Variants in SLC44A1 observed in about 807,000 individuals in gnomAD.
SLC44A1 encodes the protein choline transporter-like protein 1.
A neutral mutation model predicts 79.3 loss-of-function variants in SLC44A1; 26 were observed. The ratio of observed to expected loss-of-function variants is 0.33; its 90% CI spans 0.24 to 0.46. The LOEUF is 0.46. SLC44A1 is among the 20% of genes least tolerant of loss of function. The pLI is 1.00. For missense variants in SLC44A1, 688 were observed against 798.1 expected, an observed-to-expected ratio of 0.86 and a Z score of 1.66; for synonymous variants, 263 against 286.2, an observed-to-expected ratio of 0.92 and a Z score of 0.82.
In SLC44A1 at chr9:105,309,657, G is replaced by A. The variant is rs879299070; in HGVS notation, c.127-67G>A. 2.5e-4 allele frequency: 354 copies of A among 1,436,776 alleles called. 2 individuals carry two copies. Among genetic ancestry groups the A allele is most frequent in the Middle Eastern group, 1.1e-3 (6 of 5,622 alleles). 89.0% of individuals were successfully genotyped at this position (1,436,776 alleles called of 1,614,324 possible). ...AGCAGACAAAAAGAAGCTCATTATCGTATCAACTAGTGACTGTTGGCTATT... is the reference window on the plus strand; with the variant it reads ...AGCAGACAAAAAGAAGCTCATTATCATATCAACTAGTGACTGTTGGCTATT... On this transcript the variant is annotated intron_variant, in intron 2 of 15. Coordinates refer to ENST00000374720, the MANE Select transcript of SLC44A1 (RefSeq NM_080546.5).
At position 105,347,609 on chromosome 9, in the gene SLC44A1, C is replaced by T. The variant is rs572283500; in HGVS notation, c.407-749C>T. ...ACATAAATGTATTATGTAAATTTTA[C>T]ATTGTGTACATTTTACATATATTAG... On this transcript the variant is annotated intron_variant, in intron 4 of 15. Transcript: ENST00000374720. Among the ~76,000 whole-genome samples the T allele has an allele frequency of 6.6e-5, 10 of 151,950 alleles. No individual in the cohort carries two copies. In the South Asian group the frequency reaches 8.3e-4, roughly 13 times the overall value.
intron 3 of SLC44A1, among the ~76,000 whole-genome samples, chr9:105,322,877 A>G (rs1826438020): frequency 6.6e-6 from 1 of 152,146 alleles, no homozygotes; most frequent in African/African-American, 2.4e-5. Flanking sequence ...ATTATAAATG[A>G]ATATTATACT....
At chr9:105,361,920 G>T (rs1424166440) in intron 8 of SLC44A1, among the ~76,000 whole-genome samples, 1 of 152,130 alleles carries the variant, frequency 6.6e-6, no homozygotes, top group Non-Finnish European at 1.5e-5. Flanking sequence ...GCATGCTGGT[G>T]TGCACCTGTG....
downstream of SLC44A1, among the ~76,000 whole-genome samples, chr9:105,399,766 G>C (rs74472811): frequency 0.015 from 2,357 of 152,280 alleles, 29 homozygotes; most frequent in Non-Finnish European, 0.024. Flanking sequence ...AGGGGCTCAA[G>C]CAATGCATGA....
At chr9:105,369,202 A>G (rs1163169322) in intron 12 of SLC44A1, among the ~76,000 whole-genome samples, 1 of 152,184 alleles carries the variant, frequency 6.6e-6, no homozygotes, top group Non-Finnish European at 1.5e-5. Flanking sequence ...ACAAAATACC[A>G]TACACTAGGT....
At chr9:105,304,370 C>T (rs1830961292) in intron 2 of SLC44A1, among the ~76,000 whole-genome samples, 1 of 152,182 alleles carries the variant, frequency 6.6e-6, no homozygotes. Context: ...ATCCAAATGA[C>T]TTGCTACTTT....
chr9:105,299,169 C>T (rs1310374932), intron 1 of SLC44A1, 51 bp from the exon 2 acceptor site: 1 of 1,365,326 alleles, frequency 7.3e-7, no homozygotes, highest in Non-Finnish European at 1.0e-6. Context: ...GCCCTTCTAA[C>T]TTTAACTAAA....
intron 15 of SLC44A1, among the ~76,000 whole-genome samples, chr9:105,416,325 G>A (rs1333641192): frequency 6.6e-6 from 1 of 151,880 alleles, no homozygotes; most frequent in Non-Finnish European, 1.5e-5. Context: ...TGATATCTTA[G>A]AGAAAAATTG....
At position 105,358,329 on chromosome 9, in the gene SLC44A1, C is replaced by G; in HGVS notation, c.671-15C>G. ...TTTCAAATAATATTCTATATGTTCTCTATCTTCCCTGCAGTTCTATCCATG... is the reference window on the plus strand; with the variant it reads ...TTTCAAATAATATTCTATATGTTCTGTATCTTCCCTGCAGTTCTATCCATG... On this transcript the variant is annotated splice_polypyrimidine_tract_variant and intron_variant, in intron 6 of 15. Transcript: ENST00000374720. 2.9e-6 allele frequency: 4 copies of G among 1,361,594 alleles called. No individual in the cohort carries two copies. Among genetic ancestry groups the G allele is most frequent in the Non-Finnish European group, 4.2e-6 (4 of 955,978 alleles). The allele number at this position is 1,361,594 out of a possible 1,614,324, so 84.3% of individuals were successfully genotyped here.
intron 1 of SLC44A1, among the ~76,000 whole-genome samples, chr9:105,278,581 A>G (rs979793862): frequency 6.6e-6 from 1 of 151,714 alleles, no homozygotes; most frequent in Admixed American, 6.6e-5. Flanking sequence ...GGGTTTCACT[A>G]TGTTGGCCAG....
chr9:105,327,599 G>A (rs190465690), intron 3 of SLC44A1, among the ~76,000 whole-genome samples: 35 of 152,228 alleles, frequency 2.3e-4, no homozygotes, highest in African/African-American at 8.4e-4. Flanking sequence ...TCTAGCATCA[G>A]CTTGCCTGTC....
At chr9:105,265,045 C>G (rs1236024862) in intron 1 of SLC44A1, among the ~76,000 whole-genome samples, 1 of 152,192 alleles carries the variant, frequency 6.6e-6, no homozygotes, top group Non-Finnish European at 1.5e-5. Flanking sequence ...ATCTGCCCAC[C>G]TTGGCCTTCC....
At chr9:105,416,121 T>C (rs1287040967) in intron 15 of SLC44A1, among the ~76,000 whole-genome samples, 9 of 151,976 alleles carry the variant, frequency 5.9e-5, no homozygotes, top group Non-Finnish European at 1.5e-5. Context: ...GGTCTAGAAC[T>C]CCTGACCTCA....
intron 13 of SLC44A1, among the ~76,000 whole-genome samples, chr9:105,375,038 GTTGTTTGT>G (rs371214617): frequency 2.6e-5 from 4 of 152,084 alleles, no homozygotes; most frequent in Non-Finnish European, 4.4e-5. Context: ...TTTTTTTGTT[GTTGTTTGT>G]TTGTTTGTTT....
intron 1 of SLC44A1, among the ~76,000 whole-genome samples, chr9:105,287,982 A>G (rs1830514062): frequency 6.6e-6 from 1 of 152,228 alleles, no homozygotes; most frequent in Non-Finnish European, 1.5e-5. Flanking sequence ...GGGAGCATAT[A>G]TTATATATAA....
intron 1 of SLC44A1, among the ~76,000 whole-genome samples, chr9:105,265,940 GCTCT>G (rs1189329789): frequency 2.7e-5 from 4 of 149,356 alleles, no homozygotes; most frequent in African/African-American, 7.6e-5. Context: ...TCGAATTATT[GCTCT>G]CTCTCTCTCT....
chr9:105,375,561 C>T (rs1336847463), intron 13 of SLC44A1, among the ~76,000 whole-genome samples: 3 of 152,124 alleles, frequency 2.0e-5, no homozygotes, highest in African/African-American at 4.8e-5. Flanking sequence ...GAGATTAATG[C>T]ATTGTTAATA....
intron 15 of SLC44A1, among the ~76,000 whole-genome samples, chr9:105,421,748 C>CGGCTA (rs1829253536): frequency 2.0e-5 from 3 of 152,022 alleles, no homozygotes; most frequent in Non-Finnish European, 4.4e-5. Context: ...CCACGGCGCC[C>CGGCTA]GGCTAATTTT....
At chr9:105,314,180 G>A (rs1415805369) in intron 3 of SLC44A1, among the ~76,000 whole-genome samples, 1 of 152,158 alleles carries the variant, frequency 6.6e-6, no homozygotes, top group Non-Finnish European at 1.5e-5. Flanking sequence ...TGAGTGTGTG[G>A]ACTGAGCTGG....
Sources: gnomAD v4.1 joint callset for allele counts (sites outside exome capture counted in the v4.1 genomes callset) on GRCh38, gnomAD v4.1.1 for gene constraint, MANE v1.5 for transcripts, NCBI Gene and HGNC (gene_info 2026-07-23, HGNC 2026-07-21) for gene names.